TENM3: variants seen among roughly 807,000 people sequenced by gnomAD.
TENM3 encodes the protein teneurin transmembrane protein 3.
In TENM3, 63 loss-of-function variants were observed where a neutral mutation model predicts 255.1. The ratio of observed to expected loss-of-function variants is 0.25; its 90% confidence interval spans 0.20 to 0.30. The LOEUF (loss-of-function observed/expected upper bound fraction) is 0.30. Ranked by LOEUF, TENM3 falls within the 10% of genes least tolerant of loss-of-function variation. The pLI is 1.00. For missense variants in TENM3, 2,929 were observed against 3,461.1 expected (o/e 0.85, Z 3.86); for synonymous variants, 1,306 against 1,322.3 (o/e 0.99, Z 0.27).
At chr4:182,526,030 A>G (rs1454483352) in intron 3 of TENM3, among the ~76,000 whole-genome samples, 1 of 151,986 alleles carries the variant, frequency 6.6e-6, no homozygotes, top group Non-Finnish European at 1.5e-5. Context: ...CCCAGGCTGG[A>G]GTGCAGTGGT....
At position 182,161,273 on chromosome 4, in the gene TENM3, G is replaced by A. The variant is rs866192449; in HGVS notation, c.-76+16519G>A. Among the ~76,000 whole-genome samples, 133 of 139,198 alleles carry A rather than the reference G, an allele frequency of 9.6e-4. 15 individuals carry two copies. The Middle Eastern group carries it at 0.025, about 26-fold the overall frequency. 91.3% of individuals were successfully genotyped at this position (139,198 alleles called of 152,430 possible). A position where few individuals can be genotyped will look rare whatever the true frequency, so the allele number is the denominator to read the frequency against. On this transcript the variant is annotated intron_variant, in intron 1 of 2. Transcript: ENST00000512480. ...CTACTAAAAATACAAAAAATTAGCC[G>A]GGCGTGGTGGCGGGCGCCTGTAGTC... is the stretch of plus-strand genomic sequence containing the variant.
chr4:181,504,448 T>C, the TENM3 span, among the ~76,000 whole-genome samples: 2 of 152,206 alleles, frequency 1.3e-5, no homozygotes, highest in Admixed American at 1.3e-4. Flanking sequence ...GAAATGCTTC[T>C]CTAGGAAAAG....
chr4:181,553,880 T>A, the TENM3 span, among the ~76,000 whole-genome samples: 1 of 148,542 alleles, frequency 6.7e-6, no homozygotes. Context: ...TTAAGTGGGC[T>A]CTTAGCGCTG....
At chr4:181,984,789 CGTGTGT>C in the TENM3 span, among the ~76,000 whole-genome samples, 12,013 of 138,462 alleles carry the variant, frequency 0.087, 505 homozygotes, top group South Asian at 0.17. Context: ...CTAAAAGAGT[CGTGTGT>C]GTGTGTGTGT....
chr4:181,644,989 T>A, the TENM3 span, among the ~76,000 whole-genome samples: 1 of 152,160 alleles, frequency 6.6e-6, no homozygotes, highest in East Asian at 1.9e-4. Flanking sequence ...ACCATGTACA[T>A]GATGAAATAA....
the TENM3 span, among the ~76,000 whole-genome samples, chr4:181,899,812 C>T: frequency 1.1e-3 from 166 of 152,086 alleles, no homozygotes; most frequent in African/African-American, 3.7e-3. Flanking sequence ...GTGATCCTCC[C>T]GCCTCAGCCT....
chr4:182,127,665 T>C, the TENM3 span, among the ~76,000 whole-genome samples: 3,942 of 152,326 alleles, frequency 0.026, 145 homozygotes, highest in African/African-American at 0.09. Context: ...TGAAACTATT[T>C]GCTACATTTT....
At chr4:181,712,087 T>C in the TENM3 span, among the ~76,000 whole-genome samples, 11 of 152,240 alleles carry the variant, frequency 7.2e-5, no homozygotes, top group East Asian at 1.9e-3. Flanking sequence ...ATTTATTATC[T>C]CTTTCTCACT....
the TENM3 span, among the ~76,000 whole-genome samples, chr4:181,449,017 G>A: frequency 0.017 from 2,543 of 152,218 alleles, 74 homozygotes; most frequent in African/African-American, 0.057. Context: ...GGCAGAGATT[G>A]AAAGCAGAAA....
chr4:182,177,828 C>G (rs1752594791), intron 1 of TENM3, among the ~76,000 whole-genome samples: 1 of 151,810 alleles, frequency 6.6e-6, no homozygotes, highest in African/African-American at 2.4e-5. Context: ...GTGTCCTGCT[C>G]TTATTGAAAG....
chr4:182,009,007 C>T, the TENM3 span, among the ~76,000 whole-genome samples: 1 of 152,032 alleles, frequency 6.6e-6, no homozygotes, highest in Non-Finnish European at 1.5e-5. Flanking sequence ...AGGGCTGCTG[C>T]AGTTTGCTGG....
the TENM3 span, among the ~76,000 whole-genome samples, chr4:181,667,223 C>T: frequency 1.3e-4 from 20 of 152,192 alleles, 1 homozygote; most frequent in South Asian, 3.9e-3. Flanking sequence ...ATGAGGTATC[C>T]GTCCATTAAT....
chr4:181,769,038 G>A, the TENM3 span, among the ~76,000 whole-genome samples: 24 of 151,890 alleles, frequency 1.6e-4, no homozygotes, highest in Non-Finnish European at 2.8e-4. Flanking sequence ...AGCAGGGAGC[G>A]CTTATCTGAG....
At chr4:182,468,824 T>G (rs1056199688) in intron 3 of TENM3, among the ~76,000 whole-genome samples, 3 of 143,778 alleles carry the variant, frequency 2.1e-5, no homozygotes, top group South Asian at 2.3e-4. Context: ...TCCTGTGTGC[T>G]TGTGTGTGTG....
intron 1 of TENM3, among the ~76,000 whole-genome samples, chr4:182,228,377 T>TGTG (rs1756331636): frequency 7.3e-6 from 1 of 137,764 alleles, no homozygotes; most frequent in African/African-American, 2.6e-5. Context: ...TGTGTGTGTG[T>TGTG]GTGTGTGTGT....
chr4:182,669,258 A>G (rs1262466933), intron 6 of TENM3, among the ~76,000 whole-genome samples: 2 of 145,510 alleles, frequency 1.4e-5, no homozygotes, highest in Admixed American at 7.3e-5. Flanking sequence ...TATAATATCC[A>G]TGTCACGTTT....
intron 5 of TENM3, among the ~76,000 whole-genome samples, chr4:182,629,178 T>C (rs1473644945): frequency 2.0e-5 from 3 of 152,186 alleles, no homozygotes; most frequent in Non-Finnish European, 4.4e-5. Flanking sequence ...CTCTGTGGCA[T>C]TTCATGTACA....
At chr4:181,879,211 A>G in the TENM3 span, among the ~76,000 whole-genome samples, 1 of 152,186 alleles carries the variant, frequency 6.6e-6, no homozygotes. Flanking sequence ...CAGAAGAATA[A>G]TATTCCATAC....
chr4:181,600,208 A>G, the TENM3 span, among the ~76,000 whole-genome samples: 1 of 152,168 alleles, frequency 6.6e-6, no homozygotes, highest in Non-Finnish European at 1.5e-5. Flanking sequence ...GTGTGAATTC[A>G]TCCATTCTTC....
Sources: allele counts gnomAD v4.1 joint callset (sites outside exome capture counted in the v4.1 genomes callset), GRCh38; gene constraint gnomAD v4.1.1; transcripts MANE v1.5; gene names NCBI Gene and HGNC (gene_info 2026-07-23, HGNC 2026-07-21).